The following APP variants were observed in gnomAD, a reference collection of about 807,000 sequenced individuals.
The protein encoded by APP is amyloid-beta precursor protein.
A neutral mutation model predicts 101.4 loss-of-function variants in APP; 31 were observed. The ratio of observed to expected loss-of-function variants is 0.31; its 90% CI spans 0.23 to 0.41. APP has a LOEUF of 0.41. APP is among the 10% of genes least tolerant of loss of function. APP has a pLI of 1.00. For missense variants in APP, 839 were observed against 1,003.7 expected (o/e 0.84, Z 2.22); for synonymous variants, 366 against 364.4 (o/e 1.00, Z -0.05).
At chr21:26,110,865 A>G (rs45444493) in intron 2 of APP, among the ~76,000 whole-genome samples, 5,971 of 152,140 alleles carry the variant, frequency 0.039, 239 homozygotes, top group Admixed American at 0.12. Flanking sequence ...TGCTTTGCCA[A>G]CAAGCATAAG....
intron 16 of APP, among the ~76,000 whole-genome samples, chr21:25,896,518 G>C (rs2038061634): frequency 6.6e-6 from 1 of 152,090 alleles, no homozygotes; most frequent in African/African-American, 2.4e-5. Flanking sequence ...GTCCACCACT[G>C]AATGTGATAA....
chr21:25,967,580 A>T (rs2041842861), intron 11 of APP, among the ~76,000 whole-genome samples: 1 of 152,222 alleles, frequency 6.6e-6, no homozygotes, highest in Admixed American at 6.5e-5. Context: ...CCTACAATAG[A>T]AAGTTGATTG....
At chr21:25,943,483 C>T (rs180828887) in intron 13 of APP, among the ~76,000 whole-genome samples, 22 of 144,106 alleles carry the variant, frequency 1.5e-4, no homozygotes, top group East Asian at 4.2e-4. Context: ...GATGGAGTCT[C>T]GTTCTGTTGC....
chr21:25,952,806 C>T lies in APP; in HGVS notation c.1687+1784G>A, dbSNP rs544907159. 7.2e-5 allele frequency among the ~76,000 whole-genome samples: 11 copies of T among 152,278 alleles called. No individual in the cohort carries two copies. The South Asian group carries it at 2.1e-3, about 29-fold the overall frequency. The stretch of plus-strand genomic sequence containing the variant: ...AGATTTTAGCTTCAGTTCATTAAGA[C>T]TGATAAATTATTTCATTTTGTACCT... On this transcript the variant is annotated intron_variant, in intron 13 of 17. Transcript: ENST00000346798.
At chr21:26,027,782 C>A (rs1199256408) in intron 5 of APP, among the ~76,000 whole-genome samples, 4 of 152,042 alleles carry the variant, frequency 2.6e-5, no homozygotes, top group Non-Finnish European at 1.5e-5. Context: ...CTAAATAAAT[C>A]AGTAAAAAGG....
At chr21:26,066,513 C>T (rs1601374756) in intron 3 of APP, among the ~76,000 whole-genome samples, 1 of 151,916 alleles carries the variant, frequency 6.6e-6, no homozygotes, top group South Asian at 2.1e-4. Context: ...CCCATTCCCC[C>T]ACCTCCAGAA....
intron 15 of APP, among the ~76,000 whole-genome samples, chr21:25,899,529 G>A (rs2038300055): frequency 6.6e-6 from 1 of 152,090 alleles, no homozygotes; most frequent in Admixed American, 6.6e-5. Context: ...TTGTAGGGAC[G>A]CTCAAGCAGC....
intron 1 of APP, chr21:26,140,466 G>A: frequency 1.1e-6 from 1 of 882,548 alleles, no homozygotes; most frequent in Non-Finnish European, 1.6e-6. Flanking sequence ...ACTCTGTCTT[G>A]GGTAGAGTAA....
chr21:25,888,118 G>GT (rs2037459668), intron 17 of APP, among the ~76,000 whole-genome samples: 1 of 152,290 alleles, frequency 6.6e-6, no homozygotes, highest in Admixed American at 6.5e-5. Context: ...AGTGACTGAG[G>GT]TGAGTCCAAC....
chr21:26,128,149 G>C (rs1418264662), intron 1 of APP, among the ~76,000 whole-genome samples: 1 of 152,198 alleles, frequency 6.6e-6, no homozygotes, highest in African/African-American at 2.4e-5. Flanking sequence ...GTCTCTAAAA[G>C]AGACAAACTG....
chr21:26,166,904 GAA>G (rs1491354427), intron 1 of APP, among the ~76,000 whole-genome samples: 566 of 37,950 alleles, frequency 0.015, 2 homozygotes, highest in African/African-American at 0.076. Context: ...GAGAGAGAGA[GAA>G]AGAGAGAGAA....
intron 13 of APP, chr21:25,928,854 TGG>T (rs2040016314): frequency 7.2e-6 from 1 of 138,694 alleles, no homozygotes; most frequent in Non-Finnish European, 1.5e-5. Flanking sequence ...CCTGAGTAGC[TGG>T]GATTACAGGC....
chr21:25,949,934 A>C (rs2040990673), intron 13 of APP, among the ~76,000 whole-genome samples: 1 of 152,216 alleles, frequency 6.6e-6, no homozygotes, highest in African/African-American at 2.4e-5. Flanking sequence ...TCTTAGGTTC[A>C]AAGTTCAATT....
intron 3 of APP, among the ~76,000 whole-genome samples, chr21:26,060,410 G>A (rs555614464): frequency 4.1e-4 from 63 of 152,308 alleles, no homozygotes; most frequent in Admixed American, 9.8e-4. Flanking sequence ...CTGGGAGGGG[G>A]TGTTTCCTAA....
intron 16 of APP, among the ~76,000 whole-genome samples, chr21:25,896,418 T>TCACACACA (rs149942292): frequency 5.4e-5 from 8 of 149,342 alleles, no homozygotes; most frequent in Non-Finnish European, 1.0e-4. Context: ...AAAGTAACAC[T>TCACACACA]CACACACACA....
chr21:26,062,238 C>CACAT (rs1344412986), intron 3 of APP, among the ~76,000 whole-genome samples: 2 of 150,018 alleles, frequency 1.3e-5, no homozygotes, highest in Non-Finnish European at 3.0e-5. Context: ...CAAACACACA[C>CACAT]ACACACACAC....
intron 6 of APP, among the ~76,000 whole-genome samples, chr21:26,010,732 A>C (rs2043758030): frequency 6.9e-6 from 1 of 144,792 alleles, no homozygotes; most frequent in Admixed American, 7.2e-5. Context: ...GAGGCAAGAG[A>C]ATCGCTTGAA....
intron 5 of APP, among the ~76,000 whole-genome samples, chr21:26,049,429 G>C (rs1217068030): frequency 5.3e-5 from 8 of 152,158 alleles, no homozygotes; most frequent in African/African-American, 1.7e-4. Flanking sequence ...GAGCATGAGA[G>C]AGAGTTACGC....
At chr21:25,970,638 G>C (rs2041996361) in intron 11 of APP, among the ~76,000 whole-genome samples, 1 of 152,152 alleles carries the variant, frequency 6.6e-6, no homozygotes, top group African/African-American at 2.4e-5. Flanking sequence ...ACGCTAATAT[G>C]AATATTCTTT....
Sources: allele counts gnomAD v4.1 joint callset (sites outside exome capture counted in the v4.1 genomes callset), GRCh38; gene constraint gnomAD v4.1.1; transcripts MANE v1.5; gene names NCBI Gene and HGNC (gene_info 2026-07-23, HGNC 2026-07-21).